Variants in EIF2AK4 observed in about 807,000 individuals in gnomAD.
EIF2AK4 encodes eIF-2-alpha kinase GCN2.
A neutral mutation model predicts 211.1 loss-of-function variants in EIF2AK4; 139 were observed. The observed-to-expected ratio is 0.66, with a 90% CI of 0.57 to 0.76. The LOEUF is 0.76. Ranked by LOEUF, EIF2AK4 falls within the 30% of genes least tolerant of loss-of-function variation. The probability of loss-of-function intolerance (pLI) is 0.00; values close to 1 mark genes in which losing one functional copy is unlikely to be tolerated. For synonymous variants in EIF2AK4, 710 were observed against 751.3 expected (o/e 0.94, Z 0.90); for missense variants, 1,664 against 2,043.8 (o/e 0.81, Z 3.58).
chr15:40,002,593 G>A, intron 21 of EIF2AK4, 120 bp from the exon 22 acceptor site: 2 of 1,002,966 alleles, frequency 2.0e-6, no homozygotes, highest in South Asian at 2.7e-5. Flanking sequence ...GACTTGTCAA[G>A]ACTTGTTTTT....
In EIF2AK4 at chr15:39,989,857, A is replaced by G. The variant is rs538556755; in HGVS notation, c.2527-416A>G. Among the ~76,000 whole-genome samples, 6 of 152,262 alleles carry G rather than the reference A, an allele frequency of 3.9e-5. No individual in the cohort carries two copies. The East Asian group carries it at 1.2e-3, about 29-fold the overall frequency. ...GCTCATGAATGAGTTGGCAATTGCA[A>G]ATGTTGGTATAGTGCAAATGCATGG... On this transcript the variant is annotated intron_variant, in intron 15 of 38. Transcript: ENST00000263791.
Position 39,997,041 on chromosome 15 carries a change from C to T in EIF2AK4, c.2844C>T (p.Ile948=). Residue 948 remains isoleucine (I), a synonymous_variant, in exon 19 of 39, where the codon ATC becomes ATT. Transcript: ENST00000263791. ...CCATGGTCACGGCTTCAGAAAGGAT[C>T]TTTGTTCTCAACCAACTCAGAGATG... ...YHPMVTASER[I]FVLNQLRDPT... 6.2e-7 allele frequency: 1 copy of T among 1,613,774 alleles called. No individual in the cohort carries two copies. Among genetic ancestry groups the T allele is most frequent in the South Asian group, 1.1e-5 (1 of 91,080 alleles).
At chr15:39,957,492 A>G (rs1256837942) in intron 6 of EIF2AK4, among the ~76,000 whole-genome samples, 1 of 151,894 alleles carries the variant, frequency 6.6e-6, no homozygotes, top group African/African-American at 2.4e-5. Context: ...TCTCCCCTCA[A>G]ATGCAACCTT....
At chr15:39,959,316 G>A (rs144575939) in intron 6 of EIF2AK4, among the ~76,000 whole-genome samples, 1,953 of 152,290 alleles carry the variant, frequency 0.013, 131 homozygotes, top group Admixed American at 0.11. Context: ...GACAGTATAA[G>A]CATCCAATAT....
At chr15:40,009,864 C>T in intron 26 of EIF2AK4, 134 bp downstream of exon 26, 1 of 669,874 alleles carries the variant, frequency 1.5e-6, no homozygotes, top group Non-Finnish European at 2.6e-6. Flanking sequence ...TCCTTCATTG[C>T]TCTAAATTGA....
At chr15:40,032,031 C>A in intron 35 of EIF2AK4, 138 bp from the exon 36 acceptor site, 1 of 788,874 alleles carries the variant, frequency 1.3e-6, no homozygotes, top group Non-Finnish European at 2.1e-6. Context: ...CAGCCAAGGG[C>A]AAACCTTTAG....
chr15:40,032,166 T>C lies in EIF2AK4; in HGVS notation c.4660-3T>C. The C allele has an allele frequency of 6.2e-7, 1 of 1,612,652 alleles. No individual in the cohort carries two copies. The highest frequency in any genetic ancestry group is 8.5e-7 in the Non-Finnish European group (1 of 1,178,632). ...TTCTGAATTCCATTTTCTTACTATTTAGGTACAAACTCGACTTCAGACCTC... is the reference window on the plus strand; with the variant it reads ...TTCTGAATTCCATTTTCTTACTATTCAGGTACAAACTCGACTTCAGACCTC... On this transcript the variant is annotated splice_region_variant and splice_polypyrimidine_tract_variant and intron_variant, in intron 35 of 38. Coordinates refer to ENST00000263791, the MANE Select transcript of EIF2AK4 (RefSeq NM_001013703.4).
rs2034178487 is a variant in EIF2AK4, at chr15:39,943,502, T to C, written c.360+17T>C. 1 of 1,571,132 alleles carries C rather than the reference T, an allele frequency of 6.4e-7. No homozygotes were observed. The highest frequency in any genetic ancestry group is 8.6e-7 in the Non-Finnish European group (1 of 1,163,788). ...TGTGGGGAGGTAAGATTTGTTAAAC[T>C]GGAATTAAAAGAAGACAGTAAACTT... On this transcript the variant is annotated intron_variant, in intron 3 of 38. Coordinates refer to ENST00000263791, the MANE Select transcript of EIF2AK4 (RefSeq NM_001013703.4).
chr15:39,971,929 T>C (rs2034630789), intron 9 of EIF2AK4, among the ~76,000 whole-genome samples: 1 of 152,164 alleles, frequency 6.6e-6, no homozygotes, highest in African/African-American at 2.4e-5. Flanking sequence ...ATACTGATGC[T>C]ACTGGCCAGG....
intron 2 of EIF2AK4, among the ~76,000 whole-genome samples, chr15:39,941,036 G>C (rs985709804): frequency 6.6e-5 from 10 of 152,152 alleles, no homozygotes; most frequent in Non-Finnish European, 1.0e-4. Flanking sequence ...ATTATGAAGG[G>C]TAAGGTGTGT....
intron 23 of EIF2AK4, among the ~76,000 whole-genome samples, chr15:40,004,199 T>C (rs929661318): frequency 6.6e-6 from 1 of 152,230 alleles, no homozygotes; most frequent in Non-Finnish European, 1.5e-5. Context: ...TAAAAGTTTA[T>C]AATAAAACTT....
At chr15:40,011,136 T>A in intron 26 of EIF2AK4, 145 bp from the exon 27 acceptor site, 3 of 542,842 alleles carry the variant, frequency 5.5e-6, no homozygotes, top group Non-Finnish European at 9.6e-6. Flanking sequence ...AAAAATTTTT[T>A]AATCACAGAA....
chr15:39,956,178 G>A (rs1214302709), intron 6 of EIF2AK4, among the ~76,000 whole-genome samples: 3 of 151,682 alleles, frequency 2.0e-5, no homozygotes, highest in Non-Finnish European at 4.4e-5. Flanking sequence ...GCTAATTTTT[G>A]TATGTTTAGT....
chr15:39,963,763 T>C (rs1627122), intron 7 of EIF2AK4, among the ~76,000 whole-genome samples: 76,272 of 151,874 alleles, frequency 0.5, 19,572 homozygotes, highest in Non-Finnish European at 0.56. Context: ...TCTCAGTATA[T>C]TCTTTTGTCC....
At chr15:40,034,511 A>T (rs1168854167) in intron 38 of EIF2AK4, 67 bp downstream of exon 38, 3 of 1,268,474 alleles carry the variant, frequency 2.4e-6, no homozygotes, top group Admixed American at 3.6e-5. Flanking sequence ...TTTCAGAGTG[A>T]CATTATTTTG....
At chr15:39,978,190 A>C (rs1263916952) in intron 13 of EIF2AK4, 43 bp downstream of exon 13, 1 of 1,205,086 alleles carries the variant, frequency 8.3e-7, no homozygotes, top group Non-Finnish European at 1.2e-6. Context: ...TTCGTGATAT[A>C]ATTGACGTCT....
At chr15:40,026,966 C>A (rs2035473333) in intron 33 of EIF2AK4, among the ~76,000 whole-genome samples, 1 of 151,922 alleles carries the variant, frequency 6.6e-6, no homozygotes. Context: ...TCTTAGAACC[C>A]CTTTACACCC....
At chr15:39,972,443 C>T (rs1478576167) in intron 9 of EIF2AK4, among the ~76,000 whole-genome samples, 2 of 151,996 alleles carry the variant, frequency 1.3e-5, no homozygotes, top group Non-Finnish European at 2.9e-5. Context: ...TTCCAACTTG[C>T]TTCATCCTGT....
Position 39,943,517 on chromosome 15 carries a change from A to G in EIF2AK4, c.360+32A>G, listed in dbSNP as rs755134648. Reference sequence around the variant, plus strand: ...TTTGTTAAACTGGAATTAAAAGAAGACAGTAAACTTCCCCATTACACCTCA... The same window carrying G: ...TTTGTTAAACTGGAATTAAAAGAAGGCAGTAAACTTCCCCATTACACCTCA... On this transcript the variant is annotated intron_variant, in intron 3 of 38. Transcript: ENST00000263791. 5.2e-6 allele frequency: 8 copies of G among 1,550,148 alleles called. No homozygotes were observed. In the African/African-American group the frequency reaches 9.8e-5, roughly 19 times the overall value.
Sources: gnomAD v4.1 joint callset for allele counts (sites outside exome capture counted in the v4.1 genomes callset) on GRCh38, gnomAD v4.1.1 for gene constraint, MANE v1.5 for transcripts, NCBI Gene and HGNC (gene_info 2026-07-23, HGNC 2026-07-21) for gene names.